The following SIPA1L2 variants were observed in gnomAD, a reference collection of about 807,000 sequenced individuals.
SIPA1L2 encodes the protein signal induced proliferation associated 1 like 2.
A neutral mutation model predicts 163.9 loss-of-function variants in SIPA1L2; 56 were observed. The ratio of observed to expected loss-of-function variants is 0.34; its 90% CI spans 0.28 to 0.43. The LOEUF (loss-of-function observed/expected upper bound fraction) is 0.43, where lower values mean the gene tolerates loss of function less well. SIPA1L2 is among the 20% of genes least tolerant of loss of function. SIPA1L2 has a pLI of 1.00. For synonymous variants in SIPA1L2, 877 were observed against 865.7 expected, an observed-to-expected ratio of 1.01 and a Z score of -0.23; for missense variants, 1,974 against 2,193.5, an observed-to-expected ratio of 0.90 and a Z score of 2.00.
At chr1:232,568,946 C>T (rs1369177762) in intron 2 of SIPA1L2, among the ~76,000 whole-genome samples, 1 of 152,158 alleles carries the variant, frequency 6.6e-6, no homozygotes, top group African/African-American at 2.4e-5. Context: ...CGTATATTTG[C>T]TTTTTCCCCT....
At chr1:232,628,973 CAA>C in intron 1 of SIPA1L2, among the ~76,000 whole-genome samples, 1 of 152,126 alleles carries the variant, frequency 6.6e-6, no homozygotes, top group Middle Eastern at 3.4e-3. Flanking sequence ...TCAATCTAAC[CAA>C]AATCCAAAAT....
intron 19 of SIPA1L2, among the ~76,000 whole-genome samples, chr1:232,408,313 G>A (rs1243434235): frequency 1.3e-5 from 2 of 151,462 alleles, no homozygotes; most frequent in Non-Finnish European, 2.9e-5. Context: ...AACTGTTTGG[G>A]TAGAGATATG....
In SIPA1L2 at chr1:232,552,763, A is replaced by G. The variant is rs56936637; in HGVS notation, c.-270+21411T>C. Reference sequence around the variant, plus strand: ...AAAGAAATAACATTCATGAAATAAAAAAGCAGATTCCTGTATTTTAACACC... The same window carrying G: ...AAAGAAATAACATTCATGAAATAAAGAAGCAGATTCCTGTATTTTAACACC... On this transcript the variant is annotated intron_variant, in intron 2 of 22. Coordinates refer to ENST00000674635, the MANE Select transcript of SIPA1L2 (RefSeq NM_020808.5). Among the ~76,000 whole-genome samples the G allele has an allele frequency of 4.2e-3, 636 of 152,356 alleles. 5 individuals carry two copies. The highest frequency in any genetic ancestry group is 0.014 in the African/African-American group (600 of 41,586).
intron 8 of SIPA1L2, among the ~76,000 whole-genome samples, chr1:232,467,676 C>A (rs902330242): frequency 6.6e-6 from 1 of 152,238 alleles, no homozygotes; most frequent in South Asian, 2.1e-4. Flanking sequence ...TCTCTTTCAA[C>A]AGTGAGTACA....
At chr1:232,605,716 A>G (rs1448702256) in intron 1 of SIPA1L2, among the ~76,000 whole-genome samples, 1 of 141,644 alleles carries the variant, frequency 7.1e-6, no homozygotes, top group Non-Finnish European at 1.6e-5. Flanking sequence ...AAACAAAACA[A>G]AACAAAAAAC....
At chr1:232,403,285 G>C (rs1324530416) in intron 21 of SIPA1L2, among the ~76,000 whole-genome samples, 163 bp downstream of exon 21, 2 of 152,222 alleles carry the variant, frequency 1.3e-5, no homozygotes, top group Non-Finnish European at 2.9e-5. Flanking sequence ...GCAGGGCAGG[G>C]AGCCAAGTAG....
At chr1:232,506,765 T>A (rs980931111) in intron 3 of SIPA1L2, among the ~76,000 whole-genome samples, 2 of 152,222 alleles carry the variant, frequency 1.3e-5, no homozygotes, top group African/African-American at 4.8e-5. Flanking sequence ...AAGAATTCTA[T>A]GGTCGTTCAA....
At chr1:232,489,866 T>C (rs1284820204) in intron 5 of SIPA1L2, among the ~76,000 whole-genome samples, 1 of 152,198 alleles carries the variant, frequency 6.6e-6, no homozygotes, top group Non-Finnish European at 1.5e-5. Flanking sequence ...ATGAGTTATT[T>C]TGCACCTGAA....
At position 232,465,372 on chromosome 1, in the gene SIPA1L2, G is replaced by A. The variant is rs1664453075; in HGVS notation, c.2288C>T (p.Pro763Leu). Residue 763 changes from proline to leucine, a missense_variant, in exon 9 of 23, where the codon CCG (proline) becomes CTG (leucine). Physicochemically the swap from Pro to Leu is moderately conservative, Grantham distance 98 (BLOSUM62 -3). Coordinates refer to ENST00000674635, the MANE Select transcript of SIPA1L2 (RefSeq NM_020808.5). The surrounding 1 kb of genome is among the most constrained non-coding windows in gnomAD (Gnocchi z 4.1). ...RSKDVPPFGP[P>L]IPKGVTFPKS... ...TGGAAAAGTTACACCTTTGGGAATCGGTGGGCCAAATGGTGGCACATCTTT... is the reference window on the plus strand; with the variant it reads ...TGGAAAAGTTACACCTTTGGGAATCAGTGGGCCAAATGGTGGCACATCTTT... 2 of 1,613,156 alleles carry A rather than the reference G, an allele frequency of 1.2e-6. No individual in the cohort carries two copies. Among genetic ancestry groups the A allele is most frequent in the African/African-American group, 1.3e-5 (1 of 75,008 alleles).
chr1:232,548,846 T>C (rs920064321), intron 2 of SIPA1L2, among the ~76,000 whole-genome samples: 7 of 151,834 alleles, frequency 4.6e-5, no homozygotes, highest in Non-Finnish European at 7.4e-5. Context: ...CGCAAAGACA[T>C]GAAGGGAGAG....
chr1:232,443,301 G>A (rs778299675), intron 12 of SIPA1L2, among the ~76,000 whole-genome samples: 2 of 152,176 alleles, frequency 1.3e-5, no homozygotes, highest in Non-Finnish European at 2.9e-5. Context: ...TTTGAGCGGC[G>A]TTTCCTCATC....
At chr1:232,525,385 G>T (rs1160817965) in intron 2 of SIPA1L2, among the ~76,000 whole-genome samples, 3 of 148,764 alleles carry the variant, frequency 2.0e-5, no homozygotes, top group African/African-American at 7.5e-5. Context: ...ACAGGCACCC[G>T]CCACCAAGCC....
At chr1:232,621,742 T>A (rs559851417) in intron 1 of SIPA1L2, among the ~76,000 whole-genome samples, 1 of 152,284 alleles carries the variant, frequency 6.6e-6, no homozygotes, top group African/African-American at 2.4e-5. Flanking sequence ...AAACATTTTT[T>A]TTTTTTTGTG....
intron 3 of SIPA1L2, among the ~76,000 whole-genome samples, chr1:232,510,363 C>CTA (rs1318203808): frequency 6.6e-6 from 1 of 152,086 alleles, no homozygotes; most frequent in Non-Finnish European, 1.5e-5. Context: ...TGATGCGTGA[C>CTA]TATAGTCTAG....
intron 1 of SIPA1L2, among the ~76,000 whole-genome samples, chr1:232,577,067 C>T (rs539809789): frequency 1.1e-4 from 16 of 152,124 alleles, no homozygotes; most frequent in African/African-American, 3.9e-4. Context: ...GAAGTCAATG[C>T]CTGGATTCAA....
At chr1:232,476,358 C>G (rs565856180) in intron 7 of SIPA1L2, among the ~76,000 whole-genome samples, 1 of 152,192 alleles carries the variant, frequency 6.6e-6, no homozygotes, top group Non-Finnish European at 1.5e-5. Flanking sequence ...CTTCCCAACA[C>G]AGCAGCTAAA....
At chr1:232,422,999 C>G (rs1661662328) in intron 18 of SIPA1L2, among the ~76,000 whole-genome samples, 2 of 152,106 alleles carry the variant, frequency 1.3e-5, no homozygotes, top group Non-Finnish European at 2.9e-5. Flanking sequence ...AATCATAATT[C>G]AAATTTTGAA....
chr1:232,484,779 A>C (rs12403895), intron 5 of SIPA1L2, among the ~76,000 whole-genome samples: 59,434 of 152,012 alleles, frequency 0.39, 13,876 homozygotes, highest in East Asian at 0.73. Context: ...AACTGCTTCT[A>C]ACTCATGCAA....
intron 1 of SIPA1L2, among the ~76,000 whole-genome samples, chr1:232,601,629 A>T (rs1241202935): frequency 2.0e-5 from 3 of 152,212 alleles, no homozygotes; most frequent in Admixed American, 2.0e-4. Context: ...CTGGATTCAG[A>T]AAAACTGAAG....
Sources: allele counts gnomAD v4.1 joint callset (sites outside exome capture counted in the v4.1 genomes callset), GRCh38; gene constraint gnomAD v4.1.1; non-coding constraint Gnocchi (gnomAD v3.1); transcripts MANE v1.5; gene names NCBI Gene and HGNC (gene_info 2026-07-23, HGNC 2026-07-21).